KATNAL2: variants seen among roughly 807,000 people sequenced by gnomAD.
The protein encoded by KATNAL2 is katanin catalytic subunit A1 like 2.
KATNAL2 carries 52 observed loss-of-function variants against 76.3 expected under a neutral mutation model. The observed-to-expected ratio is 0.68, with a 90% CI of 0.55 to 0.86. The LOEUF (loss-of-function observed/expected upper bound fraction) is 0.86. Ranked by LOEUF, KATNAL2 falls within the 40% of genes least tolerant of loss-of-function variation. KATNAL2 has a pLI of 0.00. For missense variants in KATNAL2, 660 were observed against 668.9 expected, an observed-to-expected ratio of 0.99 and a Z score of 0.15; for synonymous variants, 243 against 244.2, an observed-to-expected ratio of 1.00 and a Z score of 0.05.
chr18:47,053,096 G>A (rs751054868), intron 5 of KATNAL2, 50 bp downstream of exon 5: 11 of 1,442,418 alleles, frequency 7.6e-6, no homozygotes, highest in Non-Finnish European at 9.3e-6. Context: ...TGTAAGATTA[G>A]TGTTTCTTTC....
chr18:47,079,261 G>A (rs2062393999), intron 15 of KATNAL2, among the ~76,000 whole-genome samples: 1 of 152,166 alleles, frequency 6.6e-6, no homozygotes, highest in East Asian at 1.9e-4. Context: ...AGTGATTCCT[G>A]TTTATATTCA....
At chr18:47,093,401 C>CTTTTTTTTTTTTTTTTTTTTTTTCTT (rs557793941) in intron 15 of KATNAL2, among the ~76,000 whole-genome samples, 1 of 127,754 alleles carries the variant, frequency 7.8e-6, no homozygotes, top group Non-Finnish European at 1.7e-5. Flanking sequence ...TTTCTCTGTC[C>CTTTTTTTTTTTTTTTTTTTTTTTCTT]TTTTTTTTTT....
intron 1 of KATNAL2, among the ~76,000 whole-genome samples, chr18:46,934,845 C>CCAGTTT (rs1383464239): frequency 6.6e-6 from 1 of 152,084 alleles, no homozygotes; most frequent in African/African-American, 2.4e-5. Context: ...AGGAAGGGAT[C>CCAGTTT]CAGTTTCAGC....
intron 10 of KATNAL2, among the ~76,000 whole-genome samples, chr18:47,063,828 T>C (rs2147158981): frequency 6.6e-6 from 1 of 152,316 alleles, no homozygotes; most frequent in East Asian, 1.9e-4. Flanking sequence ...TTTTCCAGCT[T>C]GCACTGTGGA....
At chr18:47,031,407 G>C (rs1363605977) in intron 3 of KATNAL2, among the ~76,000 whole-genome samples, 1 of 151,574 alleles carries the variant, frequency 6.6e-6, no homozygotes, top group East Asian at 1.9e-4. Context: ...GACTTTTTTT[G>C]TGTCTCTCTG....
In KATNAL2 at chr18:47,067,070, T is replaced by C; in HGVS notation, c.776T>C (p.Leu259Pro). ...PNIKWNDIIG[L>P]DAAKQLVKEA... ...ATAAAGTGGAATGACATTATTGGAC[T>C]TGATGCAGCCAAGCAGTTAGTCAAA... Residue 259 changes from leucine (L) to proline (P), a missense_variant, in exon 11 of 18, where the codon CTT becomes CCT. Coordinates refer to ENST00000683218, the MANE Select transcript of KATNAL2 (RefSeq NM_001387690.1). 1 of 1,589,932 alleles carries C rather than the reference T, an allele frequency of 6.3e-7. No individual in the cohort carries two copies. The highest frequency in any genetic ancestry group is 8.6e-7 in the Non-Finnish European group (1 of 1,163,862).
intron 15 of KATNAL2, among the ~76,000 whole-genome samples, chr18:47,083,049 T>C (rs2062603828): frequency 2.0e-5 from 3 of 152,198 alleles, no homozygotes; most frequent in African/African-American, 4.8e-5. Flanking sequence ...CTGTTGAACA[T>C]ATATGATGAT....
chr18:46,956,094 A>G (rs2059738352), intron 3 of KATNAL2, among the ~76,000 whole-genome samples: 1 of 152,178 alleles, frequency 6.6e-6, no homozygotes, highest in Non-Finnish European at 1.5e-5. Context: ...GGCATTTGTC[A>G]CACATGTTTA....
Position 47,063,275 on chromosome 18 carries a change from T to G in KATNAL2, c.649-9T>G. On this transcript the variant is annotated splice_polypyrimidine_tract_variant and intron_variant, in intron 9 of 17. Coordinates refer to ENST00000683218, the MANE Select transcript of KATNAL2 (RefSeq NM_001387690.1). ...ATTGTAATGTGAGCCTTTCCGCTCC[T>G]CTCATCAGGAACGACTGCTGAAACC... 1.9e-6 allele frequency: 3 copies of G among 1,612,902 alleles called. No individual in the cohort carries two copies. Among genetic ancestry groups the G allele is most frequent in the Non-Finnish European group, 2.5e-6 (3 of 1,179,444 alleles).
chr18:46,962,032 T>A (rs1008535756), intron 3 of KATNAL2, among the ~76,000 whole-genome samples: 1 of 152,212 alleles, frequency 6.6e-6, no homozygotes, highest in Non-Finnish European at 1.5e-5. Context: ...GTCTTGTATG[T>A]TAGTCCTTCC....
rs2059708233 is a variant in KATNAL2, at chr18:46,955,232, T to C, written c.51+8309T>C. On this transcript the variant is annotated intron_variant, in intron 3 of 17. Transcript: ENST00000683218. ...CTCTCTCTGTCTTTCTTTTTTTTTTTTGAGACAAAGTTTCACTCTTGTTGC... is the reference window on the plus strand; with the variant it reads ...CTCTCTCTGTCTTTCTTTTTTTTTTCTGAGACAAAGTTTCACTCTTGTTGC... Among the ~76,000 whole-genome samples, 3 of 150,550 alleles carry C rather than the reference T, an allele frequency of 2.0e-5. No homozygotes were observed. In the South Asian group the frequency reaches 6.4e-4, roughly 32 times the overall value.
At position 47,100,241 on chromosome 18, in the gene KATNAL2, T is replaced by C; in HGVS notation, c.1375-13T>C. ...TGCCCACTGACCAATGGCTGGTTTT[T>C]TGGCTGTTTCAGGAGACTGAGGGCT... On this transcript the variant is annotated splice_polypyrimidine_tract_variant and intron_variant, in intron 16 of 17. Coordinates refer to ENST00000683218, the MANE Select transcript of KATNAL2 (RefSeq NM_001387690.1). 6.2e-7 allele frequency: 1 copy of C among 1,609,064 alleles called. No homozygotes were observed. The highest frequency in any genetic ancestry group is 8.5e-7 in the Non-Finnish European group (1 of 1,175,384).
intron 1 of KATNAL2, among the ~76,000 whole-genome samples, chr18:46,931,295 G>A (rs566077576): frequency 5.3e-4 from 80 of 150,464 alleles, no homozygotes; most frequent in African/African-American, 1.6e-3. Context: ...GTGAGATTCC[G>A]TCTCAAAATA....
intron 15 of KATNAL2, among the ~76,000 whole-genome samples, chr18:47,080,971 T>C (rs2062480935): frequency 6.6e-6 from 1 of 151,966 alleles, no homozygotes; most frequent in Non-Finnish European, 1.5e-5. Flanking sequence ...TCCCATTCTG[T>C]AGCCCTTCCT....
chr18:46,934,010 G>T (rs1048264357), intron 1 of KATNAL2, among the ~76,000 whole-genome samples: 2 of 150,858 alleles, frequency 1.3e-5, no homozygotes, highest in Non-Finnish European at 3.0e-5. Flanking sequence ...GTATTCCATG[G>T]TGTATATGTG....
intron 3 of KATNAL2, among the ~76,000 whole-genome samples, chr18:47,038,774 A>T (rs180991509): frequency 6.6e-6 from 1 of 152,254 alleles, no homozygotes; most frequent in Non-Finnish European, 1.5e-5. Context: ...AGAAGTATAG[A>T]CAATAGTTAA....
At position 46,962,089 on chromosome 18, in the gene KATNAL2, G is replaced by T. The variant is rs185650273; in HGVS notation, c.51+15166G>T. Among the ~76,000 whole-genome samples, 4 of 152,210 alleles carry T rather than the reference G, an allele frequency of 2.6e-5. No homozygotes were observed. The East Asian group carries it at 7.7e-4, about 29-fold the overall frequency. On this transcript the variant is annotated intron_variant, in intron 3 of 17. Coordinates refer to ENST00000683218, the MANE Select transcript of KATNAL2 (RefSeq NM_001387690.1). ...GCATAGGCTGCTGGCACTATTTTCA[G>T]CCACTTGAGCAAATAGGATTTTGGC...
At position 47,075,087 on chromosome 18, in the gene KATNAL2, A is replaced by T. The variant is rs76102122; in HGVS notation, c.1009-190A>T. 6.9e-4 allele frequency among the ~76,000 whole-genome samples: 105 copies of T among 152,332 alleles called. No homozygotes were observed. In the East Asian group the frequency reaches 0.017, roughly 25 times the overall value. On this transcript the variant is annotated intron_variant, in intron 13 of 17. Transcript: ENST00000683218. ...TAATTTTATCAAGTGATAAATGGAA[A>T]TAATCGGACCATCCAACCCCATGGG...
intron 3 of KATNAL2, among the ~76,000 whole-genome samples, chr18:46,959,560 G>A (rs530708849): frequency 6.6e-6 from 1 of 152,174 alleles, no homozygotes; most frequent in Admixed American, 6.5e-5. Flanking sequence ...AATAATGTTT[G>A]TTAGGTTTTA....
Sources: allele counts gnomAD v4.1 joint callset (sites outside exome capture counted in the v4.1 genomes callset), GRCh38; gene constraint gnomAD v4.1.1; transcripts MANE v1.5; gene names NCBI Gene and HGNC (gene_info 2026-07-23, HGNC 2026-07-21).